Variants in CALN1 observed in about 807,000 individuals in gnomAD.
The protein encoded by CALN1 is calneuron 1.
Under a neutral mutation model 30.6 loss-of-function variants are expected in CALN1, and 17 were observed. That is an observed-to-expected ratio of 0.56 (90% CI 0.38 to 0.83). The LOEUF is 0.83. Among genes scored for constraint, CALN1 ranks in the 40% least tolerant of loss-of-function variants. The pLI is 0.00. For synonymous variants in CALN1, 156 were observed against 131.4 expected (o/e 1.19, Z -1.28); for missense variants, 291 against 354.9 (o/e 0.82, Z 1.45).
At chr7:72,025,149 A>G (rs1015006972) in intron 4 of CALN1, among the ~76,000 whole-genome samples, 5 of 152,066 alleles carry the variant, frequency 3.3e-5, no homozygotes, top group Non-Finnish European at 5.9e-5. Flanking sequence ...TGTCTCTACT[A>G]AAAGTACAAA....
chr7:71,806,713 C>G (rs1433028619), intron 6 of CALN1, among the ~76,000 whole-genome samples: 3 of 146,164 alleles, frequency 2.1e-5, no homozygotes, highest in Non-Finnish European at 3.1e-5. Context: ...GTCAGCTGGT[C>G]TGAAGGACCC....
chr7:71,866,220 G>T (rs1028641599), intron 5 of CALN1, among the ~76,000 whole-genome samples: 1 of 151,816 alleles, frequency 6.6e-6, no homozygotes, highest in Admixed American at 6.6e-5. Context: ...TGTTAGCCAG[G>T]ATGGTCTAGA....
At chr7:72,241,410 A>C (rs1794821409) in intron 3 of CALN1, among the ~76,000 whole-genome samples, 1 of 152,106 alleles carries the variant, frequency 6.6e-6, no homozygotes, top group Admixed American at 6.6e-5. Context: ...CATTTACTTA[A>C]ACAAAAAAGG....
intron 5 of CALN1, among the ~76,000 whole-genome samples, chr7:71,880,515 A>G (rs796740402): frequency 2.8e-4 from 43 of 151,130 alleles, no homozygotes; most frequent in African/African-American, 1.0e-3. Flanking sequence ...CTTTTCTTCT[A>G]TGTTTAGGGG....
At chr7:71,979,333 A>G (rs1798267783) in intron 5 of CALN1, among the ~76,000 whole-genome samples, 1 of 152,166 alleles carries the variant, frequency 6.6e-6, no homozygotes, top group Non-Finnish European at 1.5e-5. Flanking sequence ...ATCTCATCAT[A>G]ATGTAAAATC....
chr7:72,131,002 C>T (rs1325561173), intron 3 of CALN1, among the ~76,000 whole-genome samples: 1 of 152,140 alleles, frequency 6.6e-6, no homozygotes, highest in Admixed American at 6.5e-5. Flanking sequence ...TTGCCACAGC[C>T]CTCTTCCTTT....
chr7:72,066,488 T>C (rs940663732), intron 4 of CALN1, among the ~76,000 whole-genome samples: 3 of 152,222 alleles, frequency 2.0e-5, no homozygotes, highest in Admixed American at 1.3e-4. Context: ...TTTCCTTTTT[T>C]TCAGTACTTT....
intron 5 of CALN1, among the ~76,000 whole-genome samples, chr7:72,009,849 CG>C (rs1466869737): frequency 1.3e-5 from 2 of 152,158 alleles, no homozygotes; most frequent in Admixed American, 6.5e-5. Flanking sequence ...CACGTGGAAA[CG>C]TAAGTCCATT....
chr7:72,358,894 G>A (rs890526311), intron 2 of CALN1, among the ~76,000 whole-genome samples: 4 of 151,744 alleles, frequency 2.6e-5, no homozygotes, highest in East Asian at 3.9e-4. Context: ...GGAGGCGGAG[G>A]TTGCAGTGAG....
intron 4 of CALN1, among the ~76,000 whole-genome samples, chr7:72,036,661 T>G (rs188665002): frequency 5.4e-4 from 82 of 152,292 alleles, no homozygotes; most frequent in African/African-American, 1.8e-3. Flanking sequence ...GCTTTAGAAT[T>G]TCTCTTATGT....
At chr7:72,015,305 G>A (rs550613628) in intron 5 of CALN1, among the ~76,000 whole-genome samples, 3 of 152,312 alleles carry the variant, frequency 2.0e-5, no homozygotes, top group East Asian at 3.9e-4. Flanking sequence ...TCAAGCCAGC[G>A]TTGACGTCAC....
At chr7:72,206,184 C>G (rs1791870961) in intron 3 of CALN1, among the ~76,000 whole-genome samples, 1 of 152,196 alleles carries the variant, frequency 6.6e-6, no homozygotes, top group Non-Finnish European at 1.5e-5. Flanking sequence ...CATTTTGTCA[C>G]ATTCCCCAAA....
chr7:72,386,371 T>G (rs998043800), intron 2 of CALN1, among the ~76,000 whole-genome samples: 1 of 152,156 alleles, frequency 6.6e-6, no homozygotes, highest in African/African-American at 2.4e-5. Flanking sequence ...CTTAAGTAAC[T>G]TTGGAAATGG....
rs189166223 is a variant in CALN1 at position 72,147,219 on chromosome 7, T to A, written c.245-40925A>T. On this transcript the variant is annotated intron_variant, in intron 3 of 6. Coordinates refer to ENST00000395275, the MANE Select transcript of CALN1 (RefSeq NM_031468.4). ...GGAGAAAATTTTTGCAATCTACTCA[T>A]CTGACAAAGGGCTAATATCCAGAAT... Among the ~76,000 whole-genome samples the A allele has an allele frequency of 2.4e-3, 363 of 152,242 alleles. 3 individuals carry two copies. Among genetic ancestry groups the A allele is most frequent in the Admixed American group, 0.021 (318 of 15,284 alleles).
At chr7:72,380,498 C>T (rs1212461499) in intron 2 of CALN1, among the ~76,000 whole-genome samples, 1 of 152,164 alleles carries the variant, frequency 6.6e-6, no homozygotes, top group Non-Finnish European at 1.5e-5. Flanking sequence ...TGGTGCGCAT[C>T]TGTAGTTCCA....
rs114715480 is a variant in CALN1, at chr7:72,408,645, A to G, written c.-74+3413T>C. On this transcript the variant is annotated intron_variant, in intron 1 of 6. Transcript: ENST00000395275. ...GATTGCATGGTGGTCATGAAAAGAC[A>G]TACAAATGACCACCAATTATTATCT... Among the ~76,000 whole-genome samples, 734 of 150,074 alleles carry G rather than the reference A, an allele frequency of 4.9e-3. 7 individuals are homozygous for G. The highest frequency in any genetic ancestry group is 0.016 in the African/African-American group (638 of 40,938).
At chr7:72,010,757 G>A (rs1315479200) in intron 5 of CALN1, among the ~76,000 whole-genome samples, 1 of 150,566 alleles carries the variant, frequency 6.6e-6, no homozygotes, top group Non-Finnish European at 1.5e-5. Flanking sequence ...AGATTGCAGT[G>A]AGCCAAGATC....
In CALN1 at chr7:72,214,423, G is replaced by A. The variant is rs569363792; in HGVS notation, c.244+64263C>T. Among the ~76,000 whole-genome samples the A allele has an allele frequency of 3.3e-5, 5 of 152,122 alleles. No homozygotes were observed. In the South Asian group the frequency reaches 1.0e-3, roughly 32 times the overall value. On this transcript the variant is annotated intron_variant, in intron 3 of 6. Coordinates refer to ENST00000395275, the MANE Select transcript of CALN1 (RefSeq NM_031468.4). ...TCAACCAGGAGGTGGAGGCTGCAGT[G>A]AGCCAAGATCGCTCCACTGCACTCC...
intron 3 of CALN1, among the ~76,000 whole-genome samples, chr7:72,130,249 C>T (rs1809045006): frequency 6.6e-6 from 1 of 152,178 alleles, no homozygotes; most frequent in Non-Finnish European, 1.5e-5. Context: ...GCTACCTAGT[C>T]TCAGGTATTT....
Sources: gnomAD v4.1 joint callset for allele counts (sites outside exome capture counted in the v4.1 genomes callset) on GRCh38, gnomAD v4.1.1 for gene constraint, MANE v1.5 for transcripts, NCBI Gene and HGNC (gene_info 2026-07-23, HGNC 2026-07-21) for gene names.